The following IFT122 variants were observed in gnomAD, a reference collection of about 807,000 sequenced individuals.
IFT122 encodes the protein intraflagellar transport protein 122 homolog.
Under a neutral mutation model 161.6 loss-of-function variants are expected in IFT122, and 118 were observed. The ratio of observed to expected loss-of-function variants is 0.73; its 90% confidence interval spans 0.63 to 0.85. The LOEUF is 0.85. IFT122 is among the 40% of genes least tolerant of loss of function. The pLI is 0.00. For missense variants in IFT122, 1,381 were observed against 1,579.6 expected (o/e 0.87, Z 2.13); for synonymous variants, 550 against 602.4 (o/e 0.91, Z 1.27).
Position 129,480,011 on chromosome 3 carries a change from C to T in IFT122, c.1488+89C>T, listed in dbSNP as rs913026685. On this transcript the variant is annotated intron_variant, in intron 13 of 29. Transcript: ENST00000348417. ...TAGCAATGACTCTGAGCTGGGTTCTCAGGGCAGGAAAAGGGCTTCTCTCCT... is the reference window on the plus strand; with the variant it reads ...TAGCAATGACTCTGAGCTGGGTTCTTAGGGCAGGAAAAGGGCTTCTCTCCT... The T allele has an allele frequency of 1.9e-4, 285 of 1,530,100 alleles. 1 individual carries two copies. The highest frequency in any genetic ancestry group is 3.9e-5 in the Non-Finnish European group (43 of 1,108,502). 94.8% of individuals were successfully genotyped at this position (1,530,100 alleles called of 1,614,324 possible).
intron 9 of IFT122, among the ~76,000 whole-genome samples, chr3:129,474,194 G>A (rs2077663408): frequency 6.6e-6 from 1 of 152,128 alleles, no homozygotes; most frequent in South Asian, 2.1e-4. Context: ...ATATTTAAGG[G>A]ATTTTATAAT....
intron 9 of IFT122, among the ~76,000 whole-genome samples, chr3:129,474,672 C>T (rs1239277985): frequency 6.6e-6 from 1 of 152,066 alleles, no homozygotes; most frequent in African/African-American, 2.4e-5. Context: ...AAAAGCATTG[C>T]CCGCTTAGGA....
intron 1 of IFT122, among the ~76,000 whole-genome samples, chr3:129,442,833 C>G (rs1381071444): frequency 6.6e-6 from 1 of 152,214 alleles, no homozygotes; most frequent in African/African-American, 2.4e-5. Flanking sequence ...ACCCTCCTCC[C>G]CATCAGGCTT....
At chr3:129,487,016 TA>T (rs1428023437) in intron 15 of IFT122, among the ~76,000 whole-genome samples, 1 of 151,940 alleles carries the variant, frequency 6.6e-6, no homozygotes, top group African/African-American at 2.4e-5. Flanking sequence ...AGACTCAAAA[TA>T]AAAAAAATTC....
At chr3:129,492,906 C>T (rs2080322464) in intron 17 of IFT122, among the ~76,000 whole-genome samples, 1 of 150,336 alleles carries the variant, frequency 6.7e-6, no homozygotes, top group South Asian at 2.1e-4. Flanking sequence ...GCAGCATAGA[C>T]CTCCCAGGCT....
At chr3:129,496,561 T>C (rs536737182) in intron 18 of IFT122, among the ~76,000 whole-genome samples, 1 of 152,328 alleles carries the variant, frequency 6.6e-6, no homozygotes, top group South Asian at 2.1e-4. Context: ...TTTTTTCTGC[T>C]TTTCTATTCC....
chr3:129,519,179 G>T lies in IFT122; in HGVS notation c.3464G>T (p.Ser1155Ile). Reference protein sequence around the residue: ...GDEDPFTAKLSFEQGGSEFVP... With the variant: ...GDEDPFTAKLIFEQGGSEFVP... ...GAGGACCCGTTCACAGCTAAGCTGA[G>T]CTTTGAGGTGAGGGTGCCTCTCTGG... The change falls in exon 28 of 30, where the codon AGC (serine) becomes ATC (isoleucine). Residue 1155 changes from serine (S) to isoleucine (I), a missense_variant. This residue lies in a region of IFT122 where 177 missense variants were observed against 199.2 expected (regional missense o/e 0.89). Coordinates refer to ENST00000348417, the MANE Select transcript of IFT122 (RefSeq NM_052989.3). The T allele has an allele frequency of 6.2e-7, 1 of 1,614,034 alleles. No homozygotes were observed. The highest frequency in any genetic ancestry group is 8.5e-7 in the Non-Finnish European group (1 of 1,179,914).
At chr3:129,458,774 C>G (rs2075826788) in intron 4 of IFT122, 97 bp downstream of exon 4, 8 of 914,038 alleles carry the variant, frequency 8.8e-6, no homozygotes, top group Non-Finnish European at 1.4e-5. Flanking sequence ...ACTTTTTTCT[C>G]TTAAATTGAA....
At chr3:129,460,085 A>C (rs2076063586) in intron 4 of IFT122, among the ~76,000 whole-genome samples, 1 of 152,140 alleles carries the variant, frequency 6.6e-6, no homozygotes. Context: ...ATGACATAAA[A>C]TTTATCATAT....
At chr3:129,481,994 T>C (rs1455371152) in intron 14 of IFT122, among the ~76,000 whole-genome samples, 1 of 152,196 alleles carries the variant, frequency 6.6e-6, no homozygotes, top group African/African-American at 2.4e-5. Flanking sequence ...AATGGGGCAA[T>C]GACTCTGAGA....
intron 17 of IFT122, among the ~76,000 whole-genome samples, chr3:129,493,184 A>G (rs905935722): frequency 1.3e-5 from 2 of 151,888 alleles, no homozygotes; most frequent in East Asian, 3.9e-4. Context: ...AGGCATATAC[A>G]TTTTTTCTCC....
Position 129,463,455 on chromosome 3 carries a change from C to G in IFT122, c.350-105C>G, listed in dbSNP as rs1465760962. 3.4e-6 allele frequency: 3 copies of G among 873,224 alleles called. No individual in the cohort carries two copies. In the East Asian group the frequency reaches 7.3e-5, roughly 21 times the overall value. The allele number at this position is 873,224 out of a possible 1,614,324, so 54.1% of individuals were successfully genotyped here. ...ATGTTTTTTCATTCAGCATAAAATC[C>G]TGGAGATCCATCTAAGTTGTTGTAT... is the stretch of plus-strand genomic sequence containing the variant. On this transcript the variant is annotated intron_variant, in intron 5 of 29. Transcript: ENST00000348417.
At chr3:129,484,033 G>A (rs1431961696) in intron 15 of IFT122, 13 of 386,486 alleles carry the variant, frequency 3.4e-5, no homozygotes, top group Admixed American at 7.3e-5. Context: ...GGGTGTGTGT[G>A]TGAGTACGTG....
At chr3:129,512,598 C>A (rs2082966959) in intron 24 of IFT122, 186 bp downstream of exon 24, 2 of 632,182 alleles carry the variant, frequency 3.2e-6, no homozygotes, top group Admixed American at 2.6e-5. Flanking sequence ...GGGGCCCAGG[C>A]CAAGAGAAGA....
At chr3:129,518,963 G>T in intron 27 of IFT122, 144 bp from the exon 28 acceptor site, 1 of 761,426 alleles carries the variant, frequency 1.3e-6, no homozygotes, top group Non-Finnish European at 2.4e-6. Flanking sequence ...CTGATTCCTT[G>T]GCCTGAGCCC....
At position 129,494,372 on chromosome 3, in the gene IFT122, G is replaced by C. The variant is rs1171597148; in HGVS notation, c.2047-1074G>C. Among the ~76,000 whole-genome samples the C allele has an allele frequency of 2.0e-5, 3 of 152,118 alleles. No homozygotes were observed. The East Asian group carries it at 5.8e-4, about 29-fold the overall frequency. ...AAATCAATCTTTTATCTCACGGCAA[G>C]ATTTCAATTCATTTCCAACTATTAG... On this transcript the variant is annotated intron_variant, in intron 17 of 29. Coordinates refer to ENST00000348417, the MANE Select transcript of IFT122 (RefSeq NM_052989.3).
At chr3:129,456,155 G>T (rs1434592775) in intron 3 of IFT122, 1 of 860,536 alleles carries the variant, frequency 1.2e-6, no homozygotes, top group South Asian at 1.4e-5. Context: ...TCATGCAGCT[G>T]GTCAGTGAGA....
In IFT122 at chr3:129,517,591, A is replaced by G. The variant is rs1283645721; in HGVS notation, c.3388A>G (p.Asn1130Asp). The change falls in exon 27 of 30, where the codon AAC becomes GAC. Residue 1130 changes from asparagine to aspartate, a missense_variant. Around this residue, in one of 7 missense-constraint regions of IFT122, gnomAD observed 177 missense variants for 199.2 expected, o/e 0.89. Transcript: ENST00000348417. The part of the protein sequence containing the change: ...RDDRQLEIAN[N>D]SSQILRLVET... ...TGACAGACAGCTAGAGATTGCAAAC[A>G]ACAGTATCCATGCCCTTGGCCAGAG... 6.2e-7 allele frequency: 1 copy of G among 1,613,198 alleles called. No homozygotes were observed. The highest frequency in any genetic ancestry group is 2.2e-5 in the East Asian group (1 of 44,824).
At chr3:129,506,587 C>G (rs1352141048) in intron 22 of IFT122, 38 bp downstream of exon 22, 1 of 1,613,672 alleles carries the variant, frequency 6.2e-7, no homozygotes, top group South Asian at 1.1e-5. Flanking sequence ...TTTCCCAAGC[C>G]CCACTCTGAC....
Sources: gnomAD v4.1 joint callset for allele counts (sites outside exome capture counted in the v4.1 genomes callset) on GRCh38, gnomAD v4.1.1 for gene constraint, gnomAD v4.1.1 regional missense constraint, MANE v1.5 for transcripts, NCBI Gene and HGNC (gene_info 2026-07-23, HGNC 2026-07-21) for gene names.